Variants in FILIP1L observed in about 807,000 individuals in gnomAD.
The protein encoded by FILIP1L is filamin A-interacting protein 1-like.
In FILIP1L, 55 loss-of-function variants were observed where a neutral mutation model predicts 96.6. The observed-to-expected ratio is 0.57, with a 90% CI of 0.46 to 0.71. The LOEUF is 0.71. Ranked by LOEUF, FILIP1L falls within the 30% of genes least tolerant of loss-of-function variation. The pLI, the probability that FILIP1L is intolerant of heterozygous loss-of-function variation, is 0.00. For missense variants in FILIP1L, 1,304 were observed against 1,321.2 expected, an observed-to-expected ratio of 0.99 and a Z score of 0.20; for synonymous variants, 467 against 473.9, an observed-to-expected ratio of 0.99 and a Z score of 0.19.
intron 4 of FILIP1L, among the ~76,000 whole-genome samples, chr3:99,914,487 A>G (rs754126614): frequency 3.3e-5 from 5 of 152,106 alleles, no homozygotes; most frequent in Non-Finnish European, 7.4e-5. Context: ...TCAGTGGGAA[A>G]GTCTGATTCA....
chr3:100,106,523 G>A (rs1490604195), intron 1 of FILIP1L, among the ~76,000 whole-genome samples: 3 of 152,146 alleles, frequency 2.0e-5, no homozygotes, highest in Non-Finnish European at 4.4e-5. Flanking sequence ...ACCCCACTTT[G>A]ACTCTTTACC....
At chr3:99,908,545 T>C (rs1005359052) in intron 4 of FILIP1L, among the ~76,000 whole-genome samples, 2 of 152,190 alleles carry the variant, frequency 1.3e-5, no homozygotes, top group Admixed American at 6.5e-5. Context: ...CAAAGAAGTG[T>C]TAAGAGCTCA....
At chr3:100,009,916 C>T (rs1253212211) in intron 1 of FILIP1L, among the ~76,000 whole-genome samples, 1 of 152,208 alleles carries the variant, frequency 6.6e-6, no homozygotes, top group Admixed American at 6.5e-5. Flanking sequence ...CACTTTCTTT[C>T]ACCATTGCTT....
At chr3:100,056,282 A>G (rs145476761) in intron 1 of FILIP1L, among the ~76,000 whole-genome samples, 572 of 152,312 alleles carry the variant, frequency 3.8e-3, no homozygotes, top group African/African-American at 0.013. Context: ...TTTCCAGCTG[A>G]TAAATTGACA....
intron 5 of FILIP1L, among the ~76,000 whole-genome samples, chr3:99,844,898 C>T (rs759076264): frequency 6.6e-6 from 1 of 152,176 alleles, no homozygotes; most frequent in Non-Finnish European, 1.5e-5. Context: ...TTTTCTTTGC[C>T]TCCTGCCATG....
At position 100,071,090 on chromosome 3, in the gene FILIP1L, C is replaced by CTTTTTT. The variant is rs61563009; in HGVS notation, c.-11+42957_-11+42962dup. 1.2e-3 allele frequency among the ~76,000 whole-genome samples: 82 copies of CTTTTTT among 70,416 alleles called. 1 individual carries two copies. The highest frequency in any genetic ancestry group is 2.3e-3 in the African/African-American group (37 of 16,298). The allele number at this position is 70,416 out of a possible 152,430, so 46.2% of individuals were successfully genotyped here. On this transcript the variant is annotated intron_variant, in intron 1 of 5. Transcript: ENST00000477258. ...TTGTTTTTAAGAGAAGCTACTCTCTCTTTTTTTTTTTTTTTTTTTTTGGAT... is the reference window on the plus strand; with the variant it reads ...TTGTTTTTAAGAGAAGCTACTCTCTCTTTTTTTTTTTTTTTTTTTTTTTTTTTGGAT...
At chr3:100,087,070 AG>A (rs1320318157) in intron 1 of FILIP1L, among the ~76,000 whole-genome samples, 1 of 152,218 alleles carries the variant, frequency 6.6e-6, no homozygotes, top group African/African-American at 2.4e-5. Flanking sequence ...GCTGTCATAC[AG>A]CTGTACCATA....
At chr3:100,035,828 A>G (rs1054218727) in intron 1 of FILIP1L, among the ~76,000 whole-genome samples, 3 of 152,322 alleles carry the variant, frequency 2.0e-5, no homozygotes, top group Non-Finnish European at 1.5e-5. Context: ...CAACTTTGTT[A>G]CATCTTTATT....
At chr3:100,004,134 CT>C (rs1709922032) in intron 1 of FILIP1L, among the ~76,000 whole-genome samples, 1 of 152,052 alleles carries the variant, frequency 6.6e-6, no homozygotes, top group African/African-American at 2.4e-5. Context: ...TGATGCCTTC[CT>C]AGGGGATTTG....
intron 5 of FILIP1L, among the ~76,000 whole-genome samples, chr3:99,845,136 G>A (rs1169052693): frequency 1.3e-5 from 2 of 152,124 alleles, no homozygotes; most frequent in African/African-American, 4.8e-5. Context: ...GATTGAACAA[G>A]TATCAAGATT....
chr3:100,037,995 G>C (rs138104354), intron 1 of FILIP1L, among the ~76,000 whole-genome samples: 4 of 137,658 alleles, frequency 2.9e-5, no homozygotes, highest in Non-Finnish European at 6.0e-5. Context: ...TCGCTCTGTC[G>C]CCCAGGTGGA....
chr3:99,850,167 T>C lies in FILIP1L; in HGVS notation c.1509A>G (p.Glu503=). The C allele has an allele frequency of 4.3e-6, 7 of 1,610,908 alleles. No individual in the cohort carries two copies. Among genetic ancestry groups the C allele is most frequent in the Non-Finnish European group, 5.9e-6 (7 of 1,179,498 alleles). Residue 503 remains glutamate, a synonymous_variant, in exon 5 of 6, where the codon GAA becomes GAG. Coordinates refer to ENST00000477258, the MANE Select transcript of FILIP1L (RefSeq NM_001387850.1). ...TTAATTTTTCACTCATTGTTTTCCG[T>C]TCATCTACAAACATCACAGTTAATG... The part of the protein sequence containing the change: ...LKTLTVMFVD[E]RKTMSEKLKK...
intron 1 of FILIP1L, among the ~76,000 whole-genome samples, chr3:100,006,465 T>C (rs1419224385): frequency 6.6e-6 from 1 of 152,120 alleles, no homozygotes; most frequent in Non-Finnish European, 1.5e-5. Flanking sequence ...TTTCAGTGCT[T>C]TTCATGAGGT....
At chr3:99,925,114 T>A (rs1707249940) in intron 3 of FILIP1L, among the ~76,000 whole-genome samples, 1 of 152,340 alleles carries the variant, frequency 6.6e-6, no homozygotes, top group Admixed American at 6.5e-5. Context: ...CCTATAGTTC[T>A]CTGTACCAGT....
At chr3:100,111,417 T>C (rs1436034262) in intron 1 of FILIP1L, among the ~76,000 whole-genome samples, 1 of 152,188 alleles carries the variant, frequency 6.6e-6, no homozygotes, top group African/African-American at 2.4e-5. Context: ...TAAAACTTAG[T>C]TTATCTATCT....
chr3:99,902,957 C>T (rs896131384), intron 4 of FILIP1L, among the ~76,000 whole-genome samples: 2 of 152,158 alleles, frequency 1.3e-5, no homozygotes, highest in African/African-American at 4.8e-5. Flanking sequence ...GACAAATACT[C>T]CTGTTCACCT....
chr3:99,989,853 A>G (rs570529977), intron 1 of FILIP1L, among the ~76,000 whole-genome samples: 40 of 152,234 alleles, frequency 2.6e-4, no homozygotes, highest in African/African-American at 9.1e-4. Flanking sequence ...ATAAAATCTC[A>G]TTACTGTATG....
At chr3:100,004,683 G>A (rs1709938698) in intron 1 of FILIP1L, among the ~76,000 whole-genome samples, 1 of 152,174 alleles carries the variant, frequency 6.6e-6, no homozygotes, top group African/African-American at 2.4e-5. Flanking sequence ...CACCATAGGT[G>A]GGGGTTGAGG....
chr3:100,001,720 A>T (rs16841874), intron 1 of FILIP1L, among the ~76,000 whole-genome samples: 2 of 151,904 alleles, frequency 1.3e-5, no homozygotes, highest in Non-Finnish European at 2.9e-5. Context: ...GATGTGGCCA[A>T]GGTTTTCAAA....
Sources: gnomAD v4.1 joint callset for allele counts (sites outside exome capture counted in the v4.1 genomes callset) on GRCh38, gnomAD v4.1.1 for gene constraint, MANE v1.5 for transcripts, NCBI Gene and HGNC (gene_info 2026-07-23, HGNC 2026-07-21) for gene names.